Variants in TGFBI observed in about 807,000 individuals in gnomAD.
TGFBI encodes transforming growth factor-beta-induced protein ig-h3.
A neutral mutation model predicts 73.7 loss-of-function variants in TGFBI; 50 were observed. That is an observed-to-expected ratio of 0.68 (90% CI 0.54 to 0.86). The LOEUF is 0.86. Among genes scored for constraint, TGFBI ranks in the 40% least tolerant of loss-of-function variants. The probability of loss-of-function intolerance (pLI) is 0.00; values close to 1 mark genes in which losing one functional copy is unlikely to be tolerated. For synonymous variants in TGFBI, 362 were observed against 360.5 expected, an observed-to-expected ratio of 1.00 and a Z score of -0.05; for missense variants, 839 against 877.0, an observed-to-expected ratio of 0.96 and a Z score of 0.55.
intron 2 of TGFBI, among the ~76,000 whole-genome samples, chr5:136,042,117 C>T (rs1336464974): frequency 6.6e-6 from 1 of 152,190 alleles, no homozygotes; most frequent in African/African-American, 2.4e-5. Flanking sequence ...CACATCACAG[C>T]CCCAGTAATA....
rs1476820262 is a variant in TGFBI, at chr5:136,063,408, A to G, written c.*182A>G. On this transcript the variant is annotated 3_prime_UTR_variant, in exon 17 of 17. Coordinates refer to ENST00000442011, the MANE Select transcript of TGFBI (RefSeq NM_000358.3). ...GGAGGGAGAGAGATGTACTTTTTAA[A>G]TCATGTTCCCCCTAAACATGGCTGT... 1 of 610,188 alleles carries G rather than the reference A, an allele frequency of 1.6e-6. No homozygotes were observed. Among genetic ancestry groups the G allele is most frequent in the African/African-American group, 1.8e-5 (1 of 54,254 alleles). The allele number at this position is 610,188 out of a possible 1,614,324, so 37.8% of individuals were successfully genotyped here.
chr5:136,046,585 C>A (rs983262349), intron 4 of TGFBI, 90 bp downstream of exon 4: 3 of 1,424,720 alleles, frequency 2.1e-6, no homozygotes, highest in South Asian at 2.9e-5. Flanking sequence ...AGTCTGCAGT[C>A]ATTTCCTACT....
intron 13 of TGFBI, among the ~76,000 whole-genome samples, 193 bp from the exon 14 acceptor site, chr5:136,060,641 C>T (rs1331317895): frequency 2.0e-5 from 3 of 152,122 alleles, no homozygotes; most frequent in Non-Finnish European, 2.9e-5. Context: ...ACCCAGGAGG[C>T]GGAGGTTGCA....
At chr5:136,056,527 C>G in intron 11 of TGFBI, 138 bp from the exon 12 acceptor site, 1 of 1,134,544 alleles carries the variant, frequency 8.8e-7, no homozygotes, top group Non-Finnish European at 1.3e-6. Flanking sequence ...GCATGAAAAC[C>G]AAGGTGTGTG....
At chr5:136,061,794 C>T (rs1751754241) in intron 15 of TGFBI, among the ~76,000 whole-genome samples, 1 of 152,224 alleles carries the variant, frequency 6.6e-6, no homozygotes, top group South Asian at 2.1e-4. Context: ...GGCCAAAGCG[C>T]AGGCTTTCAC....
chr5:136,050,358 T>C (rs185270043), intron 7 of TGFBI, among the ~76,000 whole-genome samples: 15 of 151,052 alleles, frequency 9.9e-5, no homozygotes, highest in African/African-American at 3.6e-4. Flanking sequence ...AAAACAGTTA[T>C]AGTAGTCAAC....
At position 136,033,864 on chromosome 5, in the gene TGFBI, G is replaced by A. The variant is rs375152141; in HGVS notation, c.233+3G>A. 1.2e-4 allele frequency: 189 copies of A among 1,612,800 alleles called. 1 individual carries two copies. The African/African-American group carries it at 2.3e-3, about 20-fold the overall frequency. On this transcript the variant is annotated splice_donor_region_variant and intron_variant, in intron 2 of 16. Transcript: ENST00000442011. ...AGGAAAATCTGTGGCAAATCAACGT[G>A]AGTATCTGTAACCAGCCAGGAGACC...
At chr5:136,035,619 C>T (rs1235938713) in intron 2 of TGFBI, among the ~76,000 whole-genome samples, 18 of 133,004 alleles carry the variant, frequency 1.4e-4, no homozygotes, top group African/African-American at 2.7e-4. Flanking sequence ...AGTGAGACAC[C>T]GTCTCAAAAA....
chr5:136,036,304 G>A (rs1751219081), intron 2 of TGFBI, among the ~76,000 whole-genome samples: 1 of 152,262 alleles, frequency 6.6e-6, no homozygotes, highest in Admixed American at 6.5e-5. Context: ...CACAAAGCCA[G>A]AAGGATATGA....
chr5:136,052,945 G>A lies in TGFBI; in HGVS notation c.952G>A (p.Ala318Thr), dbSNP rs199686929. The A allele has an allele frequency of 2.8e-5, 46 of 1,614,046 alleles. No individual in the cohort carries two copies. The African/African-American group carries it at 5.5e-4, about 19-fold the overall frequency. Residue 318 changes from alanine (A) to threonine (T), a missense_variant, in exon 8 of 17, where the codon GCT becomes ACT. Ala to Thr is a moderately conservative substitution (Grantham distance 58, BLOSUM62 0). Coordinates refer to ENST00000442011, the MANE Select transcript of TGFBI (RefSeq NM_000358.3). ...NNHILKSAMC[A>T]EAIVAGLSVE... The stretch of plus-strand genomic sequence containing the variant: ...CCACATCTTGAAGTCAGCTATGTGT[G>A]CTGAAGCCATCGTTGCGGGGCTGTC...
At chr5:136,056,609 G>C in intron 11 of TGFBI, 56 bp from the exon 12 acceptor site, 2 of 1,611,272 alleles carry the variant, frequency 1.2e-6, no homozygotes, top group Admixed American at 1.7e-5. Context: ...AGCGTGGTGA[G>C]GTATTTAAGG....
intron 8 of TGFBI, 30 bp from the exon 9 acceptor site, chr5:136,053,913 C>G: frequency 6.2e-7 from 1 of 1,611,190 alleles, no homozygotes; most frequent in Non-Finnish European, 8.5e-7. Context: ...GCGCTTTTAA[C>G]TTTTGAACCC....
At chr5:136,057,474 G>C (rs754954221) in intron 12 of TGFBI, among the ~76,000 whole-genome samples, 1 of 152,096 alleles carries the variant, frequency 6.6e-6, no homozygotes, top group Admixed American at 6.5e-5. Flanking sequence ...AATGAGGAAG[G>C]TAAGAGTATC....
intron 2 of TGFBI, among the ~76,000 whole-genome samples, chr5:136,043,340 T>A (rs1751372229): frequency 6.6e-6 from 1 of 152,236 alleles, no homozygotes; most frequent in African/African-American, 2.4e-5. Context: ...TGGTCACTGT[T>A]TGTATATTTT....
intron 13 of TGFBI, among the ~76,000 whole-genome samples, chr5:136,060,111 C>T (rs759045796): frequency 2.8e-5 from 4 of 141,838 alleles, no homozygotes; most frequent in Non-Finnish European, 4.5e-5. Context: ...GCCTTTTGCC[C>T]AGAGCAGGAA....
chr5:136,049,482 A>G lies in TGFBI; in HGVS notation c.815A>G (p.Asn272Ser), dbSNP rs201177738. 6.2e-7 allele frequency: 1 copy of G among 1,614,004 alleles called. No homozygotes were observed. The highest frequency in any genetic ancestry group is 1.3e-5 in the African/African-American group (1 of 75,054). Residue 272 changes from asparagine (N) to serine (S), a missense_variant, in exon 7 of 17, where the codon AAC becomes AGC. Asn to Ser is a conservative substitution (Grantham distance 46). Coordinates refer to ENST00000442011, the MANE Select transcript of TGFBI (RefSeq NM_000358.3). ...ASGLNTMLEGNGQYTLLAPTN... is the reference protein window; with the variant it reads ...ASGLNTMLEGSGQYTLLAPTN... ...GGGCTCAACACGATGCTTGAAGGTA[A>G]CGGCCAGTACACGCTTTTGGCCCCG...
intron 3 of TGFBI, among the ~76,000 whole-genome samples, chr5:136,045,038 T>C (rs193175889): frequency 6.6e-6 from 1 of 152,310 alleles, no homozygotes; most frequent in Admixed American, 6.5e-5. Context: ...TTTTGGTCCA[T>C]GTTTAGTTGA....
At chr5:136,054,633 C>A (rs551319446) in intron 9 of TGFBI, 83 bp from the exon 10 acceptor site, 1 of 1,586,426 alleles carries the variant, frequency 6.3e-7, no homozygotes, top group Admixed American at 1.7e-5. Context: ...GAGGGATGGG[C>A]TTTTTCACTG....
rs371138479 is a variant in TGFBI at position 136,055,834 on chromosome 5, C to T, written c.1547+18C>T. ...CGCTTTAGGTAATTAGTTCCATCCC[C>T]GGGTGGAGCTTCTGCCCAGTGGTCA... is the stretch of plus-strand genomic sequence containing the variant. On this transcript the variant is annotated intron_variant, in intron 11 of 16. Transcript: ENST00000442011. 3.5e-5 allele frequency: 55 copies of T among 1,586,686 alleles called. No individual in the cohort carries two copies. In the African/African-American group the frequency reaches 3.9e-4, roughly 11 times the overall value.
Sources: allele counts gnomAD v4.1 joint callset (sites outside exome capture counted in the v4.1 genomes callset), GRCh38; gene constraint gnomAD v4.1.1; transcripts MANE v1.5; gene names NCBI Gene and HGNC (gene_info 2026-07-23, HGNC 2026-07-21).